MECOM: variants seen among roughly 807,000 people sequenced by gnomAD.
MECOM encodes the protein histone-lysine N-methyltransferase MECOM.
A neutral mutation model predicts 116.3 loss-of-function variants in MECOM; 13 were observed. The ratio of observed to expected loss-of-function variants is 0.11; its 90% CI spans 0.07 to 0.18. MECOM has a LOEUF of 0.18. Ranked by LOEUF, MECOM falls within the 10% of genes least tolerant of loss-of-function variation. The probability of loss-of-function intolerance (pLI) is 1.00; values close to 1 mark genes in which losing one functional copy is unlikely to be tolerated. For synonymous variants in MECOM, 528 were observed against 535.2 expected, an observed-to-expected ratio of 0.99 and a Z score of 0.19; for missense variants, 1,299 against 1,509.0, an observed-to-expected ratio of 0.86 and a Z score of 2.31.
At chr3:169,488,663 AC>A (rs1752702263) in intron 1 of MECOM, among the ~76,000 whole-genome samples, 1 of 152,116 alleles carries the variant, frequency 6.6e-6, no homozygotes, top group African/African-American at 2.4e-5. Context: ...AAAATGAATA[AC>A]AAAACTATAA....
chr3:169,444,906 A>G (rs749121271), intron 1 of MECOM, among the ~76,000 whole-genome samples: 2 of 152,188 alleles, frequency 1.3e-5, no homozygotes, highest in African/African-American at 4.8e-5. Context: ...GACTCTTACT[A>G]TGTTTTAGCA....
chr3:169,305,941 G>T (rs1359086878), intron 2 of MECOM, among the ~76,000 whole-genome samples: 9 of 151,770 alleles, frequency 5.9e-5, no homozygotes, highest in Admixed American at 5.9e-4. Context: ...ACACACATTA[G>T]TTGTTAACAA....
At chr3:169,586,039 A>G (rs1028390038) in intron 1 of MECOM, among the ~76,000 whole-genome samples, 5 of 152,238 alleles carry the variant, frequency 3.3e-5, no homozygotes, top group Non-Finnish European at 7.3e-5. Flanking sequence ...CAAAACAGAG[A>G]AAACATTTAA....
At chr3:169,630,452 T>TA (rs71166258) in intron 1 of MECOM, among the ~76,000 whole-genome samples, 60,302 of 131,028 alleles carry the variant, frequency 0.46, 13,707 homozygotes, top group Non-Finnish European at 0.5. Flanking sequence ...AATTTATTCT[T>TA]AAAAAAAAAA....
At chr3:169,168,995 T>C (rs1744023720) in intron 2 of MECOM, among the ~76,000 whole-genome samples, 1 of 151,962 alleles carries the variant, frequency 6.6e-6, no homozygotes, top group African/African-American at 2.4e-5. Context: ...TTTAGACATA[T>C]TATTAATAGA....
chr3:169,199,760 T>C (rs1257040873), intron 2 of MECOM, among the ~76,000 whole-genome samples: 1 of 152,070 alleles, frequency 6.6e-6, no homozygotes, highest in Non-Finnish European at 1.5e-5. Flanking sequence ...CTTGCCAAAT[T>C]GTACCAAAGG....
At chr3:169,087,240 T>C (rs1320142950) in intron 16 of MECOM, among the ~76,000 whole-genome samples, 1 of 152,144 alleles carries the variant, frequency 6.6e-6, no homozygotes, top group African/African-American at 2.4e-5. Context: ...AGTGTTTAGG[T>C]ATTATATCTT....
intron 2 of MECOM, among the ~76,000 whole-genome samples, chr3:169,159,605 A>G (rs1179909165): frequency 6.6e-6 from 1 of 152,196 alleles, no homozygotes; most frequent in Non-Finnish European, 1.5e-5. Flanking sequence ...CTAAGAAGTT[A>G]TTAGGGTTAA....
At chr3:169,371,520 C>CACAT (rs1171447856) in intron 2 of MECOM, among the ~76,000 whole-genome samples, 3 of 151,332 alleles carry the variant, frequency 2.0e-5, no homozygotes, top group Non-Finnish European at 4.4e-5. Flanking sequence ...TCACTACACA[C>CACAT]ACACACACAC....
intron 1 of MECOM, among the ~76,000 whole-genome samples, chr3:169,604,146 A>T (rs972487235): frequency 6.6e-6 from 1 of 152,186 alleles, no homozygotes; most frequent in African/African-American, 2.4e-5. Context: ...ATTTGTGTGT[A>T]AGCATGAGAA....
chr3:169,318,176 A>G (rs1720108510), intron 2 of MECOM, among the ~76,000 whole-genome samples: 2 of 152,200 alleles, frequency 1.3e-5, no homozygotes, highest in Non-Finnish European at 2.9e-5. Flanking sequence ...CCCTAGAAGA[A>G]AGCCTAGGCA....
chr3:169,322,925 G>A (rs541202910), intron 2 of MECOM, among the ~76,000 whole-genome samples: 1 of 148,222 alleles, frequency 6.7e-6, no homozygotes, highest in South Asian at 2.2e-4. Context: ...TTGAACCCGG[G>A]GGGGGCAGAG....
intron 4 of MECOM, among the ~76,000 whole-genome samples, chr3:169,130,566 C>T (rs1273873492): frequency 3.5e-5 from 5 of 142,996 alleles, no homozygotes; most frequent in Non-Finnish European, 7.5e-5. Context: ...GTAAAGAGAA[C>T]CCGCCAAGAG....
chr3:169,130,468 G>A (rs1189751316), intron 4 of MECOM, among the ~76,000 whole-genome samples: 19 of 49,496 alleles, frequency 3.8e-4, no homozygotes, highest in Middle Eastern at 0.011. Context: ...CGCCCCCGCC[G>A]CCAGCCCTCC....
chr3:169,469,347 T>C (rs1047069362), intron 1 of MECOM, among the ~76,000 whole-genome samples: 2 of 152,194 alleles, frequency 1.3e-5, no homozygotes, highest in Non-Finnish European at 2.9e-5. Context: ...AGGGAGTCTA[T>C]ATCTACAATG....
At chr3:169,314,574 G>A (rs1181876222) in intron 2 of MECOM, among the ~76,000 whole-genome samples, 2 of 152,082 alleles carry the variant, frequency 1.3e-5, no homozygotes, top group Non-Finnish European at 2.9e-5. Context: ...AGAAAAGTAT[G>A]AGAAGAAGAA....
At position 169,552,568 on chromosome 3, in the gene MECOM, G is replaced by A. The variant is rs142739764; in HGVS notation, c.37+110768C>T. Among the ~76,000 whole-genome samples, 406 of 152,258 alleles carry A rather than the reference G, an allele frequency of 2.7e-3. 1 individual carries two copies. The highest frequency in any genetic ancestry group is 9.4e-3 in the African/African-American group (392 of 41,540). On this transcript the variant is annotated intron_variant, in intron 1 of 16. Transcript: ENST00000651503. ...TAATATAGGAGGAAACTGAGGCACA[G>A]AGAGCTTACCACAGTCACACAGCTA...
At chr3:169,167,548 T>A (rs1743780027) in intron 2 of MECOM, among the ~76,000 whole-genome samples, 1 of 152,242 alleles carries the variant, frequency 6.6e-6, no homozygotes, top group African/African-American at 2.4e-5. Context: ...TGTAGATGAT[T>A]CAGATGATTA....
chr3:169,609,155 A>C (rs1322187644), intron 1 of MECOM, among the ~76,000 whole-genome samples: 1 of 152,148 alleles, frequency 6.6e-6, no homozygotes, highest in Non-Finnish European at 1.5e-5. Context: ...TCCCAAACCA[A>C]ATGTAAAATC....
Sources: gnomAD v4.1 joint callset for allele counts (sites outside exome capture counted in the v4.1 genomes callset) on GRCh38, gnomAD v4.1.1 for gene constraint, MANE v1.5 for transcripts, NCBI Gene and HGNC (gene_info 2026-07-23, HGNC 2026-07-21) for gene names.